MYO9B: variants seen among roughly 807,000 people sequenced by gnomAD.
The protein encoded by MYO9B is unconventional myosin-IXb.
MYO9B carries 71 observed loss-of-function variants against 229.5 expected under a neutral mutation model. The observed-to-expected ratio is 0.31, with a 90% CI of 0.26 to 0.38. The LOEUF (loss-of-function observed/expected upper bound fraction) is 0.38, where lower values mean the gene tolerates loss of function less well. Ranked by LOEUF, MYO9B falls within the 10% of genes least tolerant of loss-of-function variation. The probability of loss-of-function intolerance (pLI) is 1.00; values close to 1 mark genes in which losing one functional copy is unlikely to be tolerated. For synonymous variants in MYO9B, 1,185 were observed against 1,235.8 expected (o/e 0.96, Z 0.86); for missense variants, 2,255 against 2,920.5 (o/e 0.77, Z 5.25).
At chr19:17,121,699 G>A (rs8106970) in intron 2 of MYO9B, among the ~76,000 whole-genome samples, 35,645 of 152,162 alleles carry the variant, frequency 0.23, 4,366 homozygotes, top group South Asian at 0.25. Flanking sequence ...CGCATTAAAA[G>A]TACTGGAAGG....
chr19:17,161,269 T>A (rs1446159751), intron 8 of MYO9B, among the ~76,000 whole-genome samples: 1 of 151,658 alleles, frequency 6.6e-6, no homozygotes, highest in Non-Finnish European at 1.5e-5. Flanking sequence ...CTGAGGAGCG[T>A]ATGGAAAGGC....
At chr19:17,210,500 C>T in intron 37 of MYO9B, 120 bp downstream of exon 37, 3 of 1,331,730 alleles carry the variant, frequency 2.3e-6, no homozygotes, top group Non-Finnish European at 3.0e-6. Context: ...TCCGGAAGTG[C>T]ATGCTGGGGA....
chr19:17,080,721 T>TA (rs2057526614), intron 1 of MYO9B, among the ~76,000 whole-genome samples: 3 of 152,046 alleles, frequency 2.0e-5, no homozygotes, highest in Non-Finnish European at 2.9e-5. Flanking sequence ...ATACTAAAAT[T>TA]AGCTAGACAT....
At chr19:17,200,596 C>T in intron 25 of MYO9B, 43 bp from the exon 26 acceptor site, 2 of 1,568,564 alleles carry the variant, frequency 1.3e-6, no homozygotes, top group Non-Finnish European at 1.7e-6. Flanking sequence ...CTGCATCCTC[C>T]CCCTGAACCC....
At chr19:17,164,588 G>A (rs150531404) in intron 10 of MYO9B, among the ~76,000 whole-genome samples, 4,736 of 152,128 alleles carry the variant, frequency 0.031, 261 homozygotes, top group African/African-American at 0.11. Context: ...CACCATGCTG[G>A]CCAGGCTGGT....
chr19:17,081,885 G>A (rs142711787), intron 1 of MYO9B, among the ~76,000 whole-genome samples: 188 of 151,886 alleles, frequency 1.2e-3, no homozygotes, highest in African/African-American at 4.3e-3. Context: ...TACAGGGGAT[G>A]TGTTGAGGGC....
At chr19:17,137,219 CTG>C (rs1487135539) in intron 2 of MYO9B, among the ~76,000 whole-genome samples, 3 of 133,610 alleles carry the variant, frequency 2.2e-5, no homozygotes, top group African/African-American at 6.1e-5. Context: ...CAAGAGCAAA[CTG>C]TCTCAAAAAA....
rs149803290 is a variant in MYO9B, at chr19:17,199,775, C to T, written c.4239-518C>T. Among the ~76,000 whole-genome samples, 232 of 150,024 alleles carry T rather than the reference C, an allele frequency of 1.5e-3. 1 individual carries two copies. Among genetic ancestry groups the T allele is most frequent in the African/African-American group, 5.3e-3 (216 of 40,780 alleles). ...CCCAGCCTGGTCTCAAACTCCTGGG[C>T]TCAGCTGATCCACCCACCTCAGCCT... On this transcript the variant is annotated intron_variant, in intron 24 of 39. Transcript: ENST00000682292.
intron 2 of MYO9B, among the ~76,000 whole-genome samples, chr19:17,104,251 G>A (rs2057772862): frequency 6.6e-6 from 1 of 152,104 alleles, no homozygotes; most frequent in Non-Finnish European, 1.5e-5. Context: ...GGGGTTAAGG[G>A]GATGGCGAAG....
At chr19:17,161,311 G>A (rs988144279) in intron 8 of MYO9B, among the ~76,000 whole-genome samples, 1 of 152,100 alleles carries the variant, frequency 6.6e-6, no homozygotes, top group Non-Finnish European at 1.5e-5. Flanking sequence ...TACTGGGTCT[G>A]TTAACGCCTC....
chr19:17,135,650 C>A (rs772625920), intron 2 of MYO9B, among the ~76,000 whole-genome samples: 3 of 152,124 alleles, frequency 2.0e-5, no homozygotes, highest in African/African-American at 7.2e-5. Context: ...ATACCAGACG[C>A]GTGAGGTCAC....
intron 4 of MYO9B, among the ~76,000 whole-genome samples, chr19:17,153,028 A>G (rs2072496140): frequency 6.6e-6 from 1 of 152,106 alleles, no homozygotes; most frequent in Non-Finnish European, 1.5e-5. Context: ...TGTAGTCCCA[A>G]CTATTCAGGA....
At chr19:17,180,881 C>A in intron 14 of MYO9B, 46 bp from the exon 15 acceptor site, 2 of 1,373,080 alleles carry the variant, frequency 1.5e-6, no homozygotes, top group African/African-American at 1.4e-5. Context: ...CTGCTTCTAA[C>A]TCCATCTTCT....
chr19:17,110,095 A>G (rs888921865), intron 2 of MYO9B, among the ~76,000 whole-genome samples: 6 of 152,062 alleles, frequency 3.9e-5, no homozygotes, highest in African/African-American at 9.7e-5. Flanking sequence ...AACTCGCTGC[A>G]TCGATTGGGG....
In MYO9B at chr19:17,198,197, C is replaced by T. The variant is rs200833331; in HGVS notation, c.4127C>T (p.Thr1376Ile). Residue 1376 changes from threonine (T) to isoleucine (I), a missense_variant, in exon 24 of 40, where the codon ACC (threonine) becomes ATC (isoleucine). Physicochemically the swap from Thr to Ile is moderately conservative, Grantham distance 89. This residue lies in a region of MYO9B where 679 missense variants were observed against 770.2 expected (regional missense o/e 0.88). Transcript: ENST00000682292. Reference sequence around the variant, plus strand: ...ACCGTCTTGCAGCCTGCAGCAGAAACCACGGACGGAGAGCGAAGTGCGAAA... The same window carrying T: ...ACCGTCTTGCAGCCTGCAGCAGAAATCACGGACGGAGAGCGAAGTGCGAAA... ...SLAKAQPAAE[T>I]TDGERSAKKP... 9.0e-5 allele frequency: 145 copies of T among 1,613,854 alleles called. No individual in the cohort carries two copies. In the African/African-American group the frequency reaches 1.7e-3, roughly 19 times the overall value.
At position 17,212,410 on chromosome 19, in the gene MYO9B, C is replaced by A; in HGVS notation, c.*100C>A. 7.5e-7 allele frequency: 1 copy of A among 1,337,324 alleles called. No individual in the cohort carries two copies. The highest frequency in any genetic ancestry group is 9.8e-7 in the Non-Finnish European group (1 of 1,022,998). The allele number at this position is 1,337,324 out of a possible 1,614,324, so 82.8% of individuals were successfully genotyped here. A position where few individuals can be genotyped will look rare whatever the true frequency, so the allele number is the denominator to read the frequency against. On this transcript the variant is annotated 3_prime_UTR_variant, in exon 40 of 40. Transcript: ENST00000682292. The surrounding 1 kb of genome is among the most constrained non-coding windows in gnomAD (Gnocchi z 5.4). ...AGTGTTCGGCCCTCAGAGAAGGATC[C>A]AGAATCAAAAGCTCAAGAGTGACGT...
At position 17,101,707 on chromosome 19, in the gene MYO9B, C is replaced by T. The variant is rs199949514; in HGVS notation, c.-11C>T. On this transcript the variant is annotated 5_prime_UTR_variant, in exon 2 of 40. Transcript: ENST00000682292. The surrounding 1 kb of genome is among the most constrained non-coding windows in gnomAD (Gnocchi z 4.7). The stretch of plus-strand genomic sequence containing the variant: ...GCCTGGGAGGCATGCTGAAGCCAGG[C>T]GGCCGGCAGGATGAGTGTGAAAGAG... 1.1e-4 allele frequency: 164 copies of T among 1,551,854 alleles called. No individual in the cohort carries two copies. In the African/African-American group the frequency reaches 1.1e-3, roughly 11 times the overall value.
chr19:17,077,171 C>T (rs1050969519), intron 1 of MYO9B, among the ~76,000 whole-genome samples: 1 of 152,154 alleles, frequency 6.6e-6, no homozygotes, highest in African/African-American at 2.4e-5. Flanking sequence ...CTCTTGTGGC[C>T]CTGGCAGGGA....
intron 1 of MYO9B, among the ~76,000 whole-genome samples, chr19:17,087,679 C>A (rs1261181315): frequency 6.6e-6 from 1 of 151,828 alleles, no homozygotes; most frequent in African/African-American, 2.4e-5. Flanking sequence ...CCTGTAATCA[C>A]AATACTTTGG....
Sources: allele counts gnomAD v4.1 joint callset (sites outside exome capture counted in the v4.1 genomes callset), GRCh38; gene constraint gnomAD v4.1.1; regional missense constraint gnomAD v4.1.1; non-coding constraint Gnocchi (gnomAD v3.1); transcripts MANE v1.5; gene names NCBI Gene and HGNC (gene_info 2026-07-23, HGNC 2026-07-21).